CTNNA3: variants seen among roughly 807,000 people sequenced by gnomAD.
CTNNA3 encodes catenin alpha 3.
A neutral mutation model predicts 95.7 loss-of-function variants in CTNNA3; 76 were observed. The ratio of observed to expected loss-of-function variants is 0.79; its 90% CI spans 0.66 to 0.96. CTNNA3 has a LOEUF of 0.96. Ranked by LOEUF, CTNNA3 falls within the 40% of genes least tolerant of loss-of-function variation. The pLI is 0.00. For synonymous variants in CTNNA3, 431 were observed against 374.4 expected (o/e 1.15, Z -1.74); for missense variants, 1,191 against 1,089.8 (o/e 1.09, Z -1.31).
intron 5 of CTNNA3, among the ~76,000 whole-genome samples, chr10:67,450,042 A>C (rs939103530): frequency 6.6e-6 from 1 of 152,250 alleles, no homozygotes; most frequent in Non-Finnish European, 1.5e-5. Context: ...AGCATATGAA[A>C]AAAAGCTCAA....
intron 6 of CTNNA3, among the ~76,000 whole-genome samples, chr10:67,206,111 G>C (rs866297832): frequency 6.6e-6 from 1 of 152,302 alleles, no homozygotes; most frequent in Non-Finnish European, 1.5e-5. Context: ...GATATAAAAA[G>C]TTCCTTTGGA....
chr10:67,493,762 A>G (rs747111964), intron 5 of CTNNA3, among the ~76,000 whole-genome samples: 56 of 152,194 alleles, frequency 3.7e-4, no homozygotes, highest in Non-Finnish European at 2.5e-4. Flanking sequence ...GGATGTAGTT[A>G]GTAAGCAGGT....
intron 7 of CTNNA3, among the ~76,000 whole-genome samples, chr10:67,111,854 T>G (rs1232936196): frequency 2.0e-5 from 3 of 151,974 alleles, no homozygotes; most frequent in Non-Finnish European, 2.9e-5. Flanking sequence ...AAAGTAAGCT[T>G]CTCATCATAG....
intron 7 of CTNNA3, among the ~76,000 whole-genome samples, chr10:67,127,696 G>C (rs1215246765): frequency 3.9e-5 from 6 of 152,088 alleles, no homozygotes; most frequent in Non-Finnish European, 8.8e-5. Flanking sequence ...TCTGTACCAG[G>C]TACAGTCAAG....
chr10:67,471,460 T>C (rs1452780405), intron 5 of CTNNA3, among the ~76,000 whole-genome samples: 1 of 152,244 alleles, frequency 6.6e-6, no homozygotes, highest in African/African-American at 2.4e-5. Flanking sequence ...GCAGTGGTGC[T>C]AGACTATCGT....
rs74141797 is a variant in CTNNA3, at chr10:67,090,755, C to T, written c.1047+89562G>A. On this transcript the variant is annotated intron_variant, in intron 7 of 17. Coordinates refer to ENST00000433211, the MANE Select transcript of CTNNA3 (RefSeq NM_013266.4). ...TCCAGGCCACGCATCAACTGACAGA[C>T]GCAACAAATGCCCACAGCTTCTTCA... is the stretch of plus-strand genomic sequence containing the variant. Among the ~76,000 whole-genome samples the T allele has an allele frequency of 8.8e-3, 1,340 of 152,044 alleles. 17 individuals are homozygous for T. Among genetic ancestry groups the T allele is most frequent in the African/African-American group, 0.03 (1,241 of 41,480 alleles).
intron 7 of CTNNA3, among the ~76,000 whole-genome samples, chr10:66,777,166 A>G (rs887739675): frequency 6.6e-6 from 1 of 152,180 alleles, no homozygotes; most frequent in African/African-American, 2.4e-5. Flanking sequence ...AAAAATGGCC[A>G]TCATTGGAGA....
chr10:67,483,233 G>C (rs7912839), intron 5 of CTNNA3, among the ~76,000 whole-genome samples: 1,987 of 151,498 alleles, frequency 0.013, 36 homozygotes, highest in African/African-American at 0.042. Context: ...TCTAGAACTA[G>C]AAATACCATT....
chr10:66,115,330 C>T (rs548332994), intron 13 of CTNNA3, among the ~76,000 whole-genome samples: 2 of 152,224 alleles, frequency 1.3e-5, no homozygotes, highest in South Asian at 4.1e-4. Flanking sequence ...CTTACCAGGT[C>T]CCATGCTATT....
At chr10:66,635,889 G>A (rs765519265) in intron 9 of CTNNA3, among the ~76,000 whole-genome samples, 2 of 151,956 alleles carry the variant, frequency 1.3e-5, no homozygotes, top group Non-Finnish European at 2.9e-5. Flanking sequence ...GAAGGAAATA[G>A]GCAAAGAAGC....
At position 66,472,182 on chromosome 10, in the gene CTNNA3, G is replaced by A. The variant is rs190611656; in HGVS notation, c.1531+48435C>T. ...GCCAAGTACCTTGGCAGAAAGAAGG[G>A]TGCTTTTATTCTAGTGAACAGAACA... On this transcript the variant is annotated intron_variant, in intron 11 of 17. Transcript: ENST00000433211. 2.0e-5 allele frequency among the ~76,000 whole-genome samples: 3 copies of A among 151,996 alleles called. No individual in the cohort carries two copies. The East Asian group carries it at 5.8e-4, about 29-fold the overall frequency.
chr10:66,244,895 C>T (rs73315763), intron 13 of CTNNA3, among the ~76,000 whole-genome samples: 5,143 of 152,244 alleles, frequency 0.034, 287 homozygotes, highest in African/African-American at 0.12. Context: ...GTAAATAAGA[C>T]ACCAGAGACC....
chr10:66,520,505 G>T, intron 11 of CTNNA3, 112 bp downstream of exon 11: 1 of 914,950 alleles, frequency 1.1e-6, no homozygotes, highest in Non-Finnish European at 1.6e-6. Context: ...ACCTGCCTCG[G>T]CTTCCCAAAG....
chr10:67,190,856 G>A (rs536212159), intron 6 of CTNNA3, among the ~76,000 whole-genome samples: 8 of 152,066 alleles, frequency 5.3e-5, no homozygotes, highest in African/African-American at 1.7e-4. Flanking sequence ...TCCGATAAAC[G>A]ATATTATCCA....
intron 5 of CTNNA3, among the ~76,000 whole-genome samples, chr10:67,390,274 C>T (rs1844405143): frequency 6.6e-6 from 1 of 152,144 alleles, no homozygotes; most frequent in Non-Finnish European, 1.5e-5. Flanking sequence ...ATACTACAAA[C>T]ACCTCTATGC....
intron 12 of CTNNA3, among the ~76,000 whole-genome samples, chr10:66,373,226 C>A (rs1362803372): frequency 6.6e-6 from 1 of 152,082 alleles, no homozygotes; most frequent in Non-Finnish European, 1.5e-5. Context: ...TTTTTTCTGA[C>A]AAGTTTGTAT....
chr10:66,838,319 C>T (rs1349705091), intron 7 of CTNNA3, among the ~76,000 whole-genome samples: 1 of 152,102 alleles, frequency 6.6e-6, no homozygotes, highest in East Asian at 1.9e-4. Flanking sequence ...CATGTATAAA[C>T]AATTTTGCTT....
intron 9 of CTNNA3, among the ~76,000 whole-genome samples, chr10:66,745,293 C>A (rs1450271682): frequency 1.3e-5 from 2 of 152,110 alleles, no homozygotes; most frequent in Non-Finnish European, 2.9e-5. Flanking sequence ...GTCCAGATTA[C>A]CTCATATTTA....
intron 13 of CTNNA3, among the ~76,000 whole-genome samples, chr10:66,253,884 A>C (rs890100796): frequency 1.3e-5 from 2 of 152,202 alleles, no homozygotes; most frequent in Non-Finnish European, 1.5e-5. Context: ...CTATGCGGGC[A>C]ACTATCTCTG....
Sources: gnomAD v4.1 joint callset for allele counts (sites outside exome capture counted in the v4.1 genomes callset) on GRCh38, gnomAD v4.1.1 for gene constraint, MANE v1.5 for transcripts, NCBI Gene and HGNC (gene_info 2026-07-23, HGNC 2026-07-21) for gene names.